SH3RF2: variants seen among roughly 807,000 people sequenced by gnomAD.
The protein encoded by SH3RF2 is E3 ubiquitin-protein ligase SH3RF2.
In SH3RF2, 43 loss-of-function variants were observed where a neutral mutation model predicts 59.0. The observed-to-expected ratio is 0.73, with a 90% CI of 0.57 to 0.94. SH3RF2 has a LOEUF of 0.94. Ranked by LOEUF, SH3RF2 falls within the 40% of genes least tolerant of loss-of-function variation. The probability of loss-of-function intolerance (pLI) is 0.00; values close to 1 mark genes in which losing one functional copy is unlikely to be tolerated. For missense variants in SH3RF2, 930 were observed against 940.1 expected (o/e 0.99, Z 0.14); for synonymous variants, 391 against 391.5 (o/e 1.00, Z 0.01).
At chr5:145,939,687 C>T (rs1757737648) in intron 2 of SH3RF2, among the ~76,000 whole-genome samples, 1 of 152,126 alleles carries the variant, frequency 6.6e-6, no homozygotes, top group African/African-American at 2.4e-5. Context: ...AATCAGAATC[C>T]ACAGGTCTGG....
intron 2 of SH3RF2, among the ~76,000 whole-genome samples, chr5:145,979,500 C>T (rs1405187176): frequency 1.3e-5 from 2 of 152,192 alleles, no homozygotes; most frequent in African/African-American, 2.4e-5. Flanking sequence ...TATCTTACTG[C>T]TCTAAGTAGT....
intron 9 of SH3RF2, among the ~76,000 whole-genome samples, chr5:146,061,680 A>G (rs1415705327): frequency 6.6e-6 from 1 of 152,170 alleles, no homozygotes; most frequent in Non-Finnish European, 1.5e-5. Context: ...GATATATAAC[A>G]GGCTAGGAGA....
At chr5:145,979,473 T>C (rs1299470720) in intron 2 of SH3RF2, among the ~76,000 whole-genome samples, 2 of 152,216 alleles carry the variant, frequency 1.3e-5, no homozygotes, top group South Asian at 4.1e-4. Flanking sequence ...TCACCAGCCA[T>C]GGGGCCTCAG....
intron 9 of SH3RF2, among the ~76,000 whole-genome samples, chr5:146,071,981 A>T (rs1003509647): frequency 2.6e-5 from 4 of 152,140 alleles, no homozygotes; most frequent in Admixed American, 1.3e-4. Flanking sequence ...GCTAGGCTCT[A>T]TCAGACAGAA....
intron 5 of SH3RF2, among the ~76,000 whole-genome samples, chr5:146,019,562 C>G (rs974998694): frequency 1.3e-5 from 2 of 151,860 alleles, no homozygotes; most frequent in African/African-American, 4.8e-5. Flanking sequence ...CAGATTTTTT[C>G]TTTTTGTTTA....
chr5:145,944,296 A>G (rs559402069), intron 2 of SH3RF2, among the ~76,000 whole-genome samples: 32 of 152,056 alleles, frequency 2.1e-4, no homozygotes, highest in South Asian at 8.3e-4. Context: ...TCTGGTCCCA[A>G]GGGATACTCA....
intron 9 of SH3RF2, among the ~76,000 whole-genome samples, chr5:146,069,794 G>A (rs749570023): frequency 9.9e-5 from 15 of 151,878 alleles, no homozygotes; most frequent in South Asian, 2.1e-4. Flanking sequence ...GACTGGTCTC[G>A]AACTCCTGGG....
chr5:146,030,124 C>T (rs1311452848), intron 5 of SH3RF2, among the ~76,000 whole-genome samples: 1 of 152,174 alleles, frequency 6.6e-6, no homozygotes, highest in Non-Finnish European at 1.5e-5. Context: ...GAGAACAAAT[C>T]TTTCCTACTC....
At chr5:146,048,001 A>C in intron 6 of SH3RF2, 138 bp downstream of exon 6, 1 of 804,658 alleles carries the variant, frequency 1.2e-6, no homozygotes. Context: ...ACCACTTCCA[A>C]GTGAAATAAT....
intron 8 of SH3RF2, among the ~76,000 whole-genome samples, chr5:146,057,950 C>CTCTT (rs1561768314): frequency 7.6e-6 from 1 of 131,470 alleles, no homozygotes; most frequent in African/African-American, 2.7e-5. Context: ...CTCTCTCTCT[C>CTCTT]TCTCTCTCTC....
intron 1 of SH3RF2, chr5:145,937,156 C>T (rs780863300): frequency 2.0e-5 from 3 of 146,748 alleles, no homozygotes; most frequent in Non-Finnish European, 3.0e-5. Context: ...CTAAGGTAAT[C>T]GGGATGAGGA....
chr5:145,991,169 C>T (rs1759918474), intron 2 of SH3RF2, among the ~76,000 whole-genome samples: 1 of 152,156 alleles, frequency 6.6e-6, no homozygotes, highest in South Asian at 2.1e-4. Flanking sequence ...ATGGTAAAAA[C>T]ACCCAGGCTT....
chr5:145,988,494 T>C (rs1759804462), intron 2 of SH3RF2, among the ~76,000 whole-genome samples: 2 of 152,054 alleles, frequency 1.3e-5, no homozygotes, highest in South Asian at 4.1e-4. Context: ...CCCCAATTTG[T>C]GGATGGTCCA....
Position 146,047,869 on chromosome 5 carries a change from TA to T in SH3RF2, c.1151+10del. On this transcript the variant is annotated splice_region_variant and intron_variant, in intron 6 of 9. Coordinates refer to ENST00000359120, the MANE Select transcript of SH3RF2 (RefSeq NM_152550.4). ...CAACACCTCTCAGCGAACATGTGAG[TA>T]AAAGGCTCATCCCTTCACCCAAGTC... is the stretch of plus-strand genomic sequence containing the variant. The T allele has an allele frequency of 6.2e-7, 1 of 1,613,600 alleles. No individual in the cohort carries two copies.
At chr5:146,002,513 G>GAAGA (rs1554114594) in intron 3 of SH3RF2, among the ~76,000 whole-genome samples, 8 of 150,630 alleles carry the variant, frequency 5.3e-5, no homozygotes, top group African/African-American at 2.0e-4. Flanking sequence ...AGGAAGGAAG[G>GAAGA]AAGGAAGGAA....
At chr5:146,070,955 G>A (rs1403320220) in intron 9 of SH3RF2, among the ~76,000 whole-genome samples, 1 of 152,136 alleles carries the variant, frequency 6.6e-6, no homozygotes, top group Non-Finnish European at 1.5e-5. Context: ...AATGCTCTTG[G>A]AATCAGTGCT....
At chr5:146,029,849 T>C (rs1761679858) in intron 5 of SH3RF2, among the ~76,000 whole-genome samples, 1 of 152,158 alleles carries the variant, frequency 6.6e-6, no homozygotes, top group Admixed American at 6.5e-5. Context: ...TTTTCTTTCA[T>C]CAAAGAAAAA....
chr5:145,993,938 G>A (rs1760050371), intron 2 of SH3RF2, among the ~76,000 whole-genome samples: 1 of 152,212 alleles, frequency 6.6e-6, no homozygotes, highest in Non-Finnish European at 1.5e-5. Flanking sequence ...CACATTGTCA[G>A]ACTGCAAATT....
chr5:146,071,709 C>T (rs1289595225), intron 9 of SH3RF2, among the ~76,000 whole-genome samples: 1 of 152,166 alleles, frequency 6.6e-6, no homozygotes, highest in African/African-American at 2.4e-5. Flanking sequence ...GGATCTTTGT[C>T]ACAGCTTTGT....
Sources: gnomAD v4.1 joint callset for allele counts (sites outside exome capture counted in the v4.1 genomes callset) on GRCh38, gnomAD v4.1.1 for gene constraint, MANE v1.5 for transcripts, NCBI Gene and HGNC (gene_info 2026-07-23, HGNC 2026-07-21) for gene names.